CNTNAP2: variants seen among roughly 807,000 people sequenced by gnomAD.
CNTNAP2 encodes the protein contactin associated protein 2.
A neutral mutation model predicts 155.2 loss-of-function variants in CNTNAP2; 98 were observed. That is an observed-to-expected ratio of 0.63 (90% CI 0.54 to 0.75). The LOEUF (loss-of-function observed/expected upper bound fraction) is 0.75, where lower values mean the gene tolerates loss of function less well. Among genes scored for constraint, CNTNAP2 ranks in the 30% least tolerant of loss-of-function variants. The pLI is 0.00. For synonymous variants in CNTNAP2, 651 were observed against 631.2 expected (o/e 1.03, Z -0.47); for missense variants, 1,727 against 1,688.1 (o/e 1.02, Z -0.40).
chr7:147,742,438 C>T (rs532694650), intron 13 of CNTNAP2, among the ~76,000 whole-genome samples: 1 of 152,342 alleles, frequency 6.6e-6, no homozygotes, highest in South Asian at 2.1e-4. Flanking sequence ...TTAACTTTCT[C>T]TCCCTTGTTC....
At chr7:147,931,657 G>T (rs1336696346) in intron 14 of CNTNAP2, among the ~76,000 whole-genome samples, 1 of 152,112 alleles carries the variant, frequency 6.6e-6, no homozygotes, top group Non-Finnish European at 1.5e-5. Flanking sequence ...GCACTACATT[G>T]CCAGAATGCC....
intron 1 of CNTNAP2, among the ~76,000 whole-genome samples, chr7:146,180,236 G>A (rs1798530387): frequency 6.6e-6 from 1 of 152,104 alleles, no homozygotes; most frequent in South Asian, 2.1e-4. Context: ...TCTGCCTTCA[G>A]CTACTAGTGA....
rs3052511 is a variant in CNTNAP2 at position 147,507,550 on chromosome 7, C to CTTTTTTTTT, written c.1777+21526_1777+21534dup. 1.3e-3 allele frequency among the ~76,000 whole-genome samples: 104 copies of CTTTTTTTTT among 82,020 alleles called. 1 individual carries two copies. The highest frequency in any genetic ancestry group is 1.8e-3 in the African/African-American group (37 of 20,178). The allele number at this position is 82,020 out of a possible 152,430, so 53.8% of individuals were successfully genotyped here. ...TATAGAAGTTGCTTTCTCTTTCTTT[C>CTTTTTTTTT]TTTTTTTTTTTTTTTTTTTTTTTTT... On this transcript the variant is annotated intron_variant, in intron 11 of 23. Coordinates refer to ENST00000361727, the MANE Select transcript of CNTNAP2 (RefSeq NM_014141.6).
At chr7:147,913,658 C>A (rs145963620) in intron 14 of CNTNAP2, among the ~76,000 whole-genome samples, 1 of 152,202 alleles carries the variant, frequency 6.6e-6, no homozygotes, top group South Asian at 2.1e-4. Context: ...AGGTACTGCA[C>A]GATGGCAGCT....
intron 2 of CNTNAP2, among the ~76,000 whole-genome samples, chr7:146,818,862 G>A (rs1013000905): frequency 5.3e-5 from 8 of 151,836 alleles, no homozygotes; most frequent in African/African-American, 1.9e-4. Context: ...TATTATTAGT[G>A]TATGTATGTA....
In CNTNAP2 at chr7:147,418,404, T is replaced by G. The variant is rs575869082; in HGVS notation, c.1670+22624T>G. Among the ~76,000 whole-genome samples the G allele has an allele frequency of 2.1e-4, 32 of 152,334 alleles. 1 individual carries two copies. Among genetic ancestry groups the G allele is most frequent in the African/African-American group, 7.5e-4 (31 of 41,584 alleles). On this transcript the variant is annotated intron_variant, in intron 10 of 23. Transcript: ENST00000361727. ...CCATTTCAGAACACATAAGCCACGG[T>G]ATCCCTTTTATTATATAGACATCGA...
chr7:148,015,062 TTTTTG>T (rs1377130365), intron 15 of CNTNAP2, among the ~76,000 whole-genome samples: 4 of 152,214 alleles, frequency 2.6e-5, no homozygotes, highest in Non-Finnish European at 5.9e-5. Flanking sequence ...ATAGCATGTT[TTTTTG>T]TTTTTGTTTT....
intron 10 of CNTNAP2, among the ~76,000 whole-genome samples, chr7:147,409,789 GAAA>G (rs371357445): frequency 1.5e-5 from 2 of 136,694 alleles, no homozygotes; most frequent in African/African-American, 5.3e-5. Context: ...GAACCATCAT[GAAA>G]AAAAAAAAAA....
chr7:146,127,052 C>T (rs1318959230), intron 1 of CNTNAP2, among the ~76,000 whole-genome samples: 1 of 152,172 alleles, frequency 6.6e-6, no homozygotes, highest in African/African-American at 2.4e-5. Context: ...TCTAGTTCTT[C>T]CCTGTCTCTT....
At chr7:147,990,614 T>C (rs1324898255) in intron 15 of CNTNAP2, among the ~76,000 whole-genome samples, 3 of 152,104 alleles carry the variant, frequency 2.0e-5, no homozygotes, top group Non-Finnish European at 4.4e-5. Flanking sequence ...TGATTGGAGA[T>C]ATCATTTGTG....
intron 14 of CNTNAP2, among the ~76,000 whole-genome samples, chr7:147,964,371 G>T (rs1445630871): frequency 6.6e-6 from 1 of 152,068 alleles, no homozygotes; most frequent in Admixed American, 6.6e-5. Flanking sequence ...ATTTAGAATT[G>T]GTCATCAAGA....
chr7:148,086,937 T>C (rs1056983944), intron 15 of CNTNAP2, among the ~76,000 whole-genome samples: 1 of 152,204 alleles, frequency 6.6e-6, no homozygotes. Context: ...TGAGCAGTGT[T>C]GCAAATCCCA....
intron 1 of CNTNAP2, among the ~76,000 whole-genome samples, chr7:146,323,463 T>A (rs1472471386): frequency 6.6e-6 from 1 of 152,114 alleles, no homozygotes; most frequent in East Asian, 1.9e-4. Context: ...GGACAACAGC[T>A]ATGAAAGTTA....
At chr7:146,189,942 T>C (rs970948847) in intron 1 of CNTNAP2, among the ~76,000 whole-genome samples, 2 of 152,206 alleles carry the variant, frequency 1.3e-5, no homozygotes, top group African/African-American at 2.4e-5. Flanking sequence ...CTAATGTTTC[T>C]TTTGCACATG....
At chr7:146,647,816 A>G (rs1799840886) in intron 1 of CNTNAP2, among the ~76,000 whole-genome samples, 1 of 152,196 alleles carries the variant, frequency 6.6e-6, no homozygotes, top group Non-Finnish European at 1.5e-5. Context: ...GATTTTTAAA[A>G]GAAATCTTTT....
intron 14 of CNTNAP2, among the ~76,000 whole-genome samples, chr7:147,942,192 A>G (rs975631762): frequency 5.3e-5 from 8 of 152,244 alleles, no homozygotes; most frequent in Non-Finnish European, 8.8e-5. Flanking sequence ...CAATGGCAGC[A>G]GTAATTGATG....
intron 8 of CNTNAP2, among the ~76,000 whole-genome samples, chr7:147,275,574 T>C (rs1328279691): frequency 1.3e-5 from 2 of 152,060 alleles, no homozygotes; most frequent in African/African-American, 2.4e-5. Flanking sequence ...GCTAGGGATC[T>C]TTTGAAGGGA....
chr7:147,012,291 T>C (rs1408326033), intron 3 of CNTNAP2, among the ~76,000 whole-genome samples: 1 of 152,164 alleles, frequency 6.6e-6, no homozygotes, highest in East Asian at 1.9e-4. Context: ...GTCATGGTTA[T>C]ATAAGAGCAT....
In CNTNAP2 at chr7:147,787,450, T is replaced by C. The variant is rs116268513; in HGVS notation, c.2099-116115T>C. Among the ~76,000 whole-genome samples, 1,409 of 152,372 alleles carry C rather than the reference T, an allele frequency of 9.2e-3. 28 individuals are homozygous for C. The highest frequency in any genetic ancestry group is 0.033 in the African/African-American group (1,354 of 41,582). On this transcript the variant is annotated intron_variant, in intron 13 of 23. Coordinates refer to ENST00000361727, the MANE Select transcript of CNTNAP2 (RefSeq NM_014141.6). ...AAGTCAAATCAAATATTAATTCTGT[T>C]TGAAGCGATTCCAAAATAGTCATTG...
Sources: allele counts gnomAD v4.1 joint callset (sites outside exome capture counted in the v4.1 genomes callset), GRCh38; gene constraint gnomAD v4.1.1; transcripts MANE v1.5; gene names NCBI Gene and HGNC (gene_info 2026-07-23, HGNC 2026-07-21).